The following GABRG2 variants were observed in gnomAD, a reference collection of about 807,000 sequenced individuals.
GABRG2 encodes the protein gamma-aminobutyric acid type A receptor subunit gamma2, also known as gamma-aminobutyric acid receptor subunit gamma-2.
GABRG2 carries 16 observed loss-of-function variants against 56.4 expected under a neutral mutation model. The observed-to-expected ratio is 0.28, with a 90% CI of 0.19 to 0.43. The LOEUF (loss-of-function observed/expected upper bound fraction) is 0.43, where lower values mean the gene tolerates loss of function less well. Ranked by LOEUF, GABRG2 falls within the 20% of genes least tolerant of loss-of-function variation. GABRG2 has a pLI of 1.00. For synonymous variants in GABRG2, 208 were observed against 205.5 expected, an observed-to-expected ratio of 1.01 and a Z score of -0.10; for missense variants, 327 against 582.7, an observed-to-expected ratio of 0.56 and a Z score of 4.52.
chr5:162,088,037 C>T (rs1392243509), intron 1 of GABRG2, among the ~76,000 whole-genome samples: 3 of 152,068 alleles, frequency 2.0e-5, no homozygotes, highest in Non-Finnish European at 2.9e-5. Flanking sequence ...TATACACTCA[C>T]ATGTGCACAC....
intron 6 of GABRG2, among the ~76,000 whole-genome samples, chr5:162,124,009 G>A (rs1038035581): frequency 6.6e-5 from 10 of 151,918 alleles, no homozygotes; most frequent in Non-Finnish European, 1.3e-4. Context: ...GAATCAAGGT[G>A]AGGAATAACT....
chr5:162,103,825 A>G, intron 5 of GABRG2, 64 bp from the exon 6 acceptor site: 1 of 1,565,042 alleles, frequency 6.4e-7, no homozygotes, highest in South Asian at 1.1e-5. Context: ...TGTTCATAGA[A>G]GATGGTTGCT....
chr5:162,120,595 G>A (rs537190630), intron 6 of GABRG2, among the ~76,000 whole-genome samples: 3 of 152,076 alleles, frequency 2.0e-5, no homozygotes, highest in African/African-American at 7.2e-5. Flanking sequence ...TAATAGAGAC[G>A]GCATGTGAGC....
rs149245576 is a variant in GABRG2 at position 162,068,329 on chromosome 5, T to G, written c.107+223T>G. 0.013 allele frequency among the ~76,000 whole-genome samples: 1,959 copies of G among 152,220 alleles called. 53 individuals are homozygous for G. The highest frequency in any genetic ancestry group is 0.045 in the African/African-American group (1,875 of 41,514). Reference sequence around the variant, plus strand: ...ATTGGATTTTATTTTATTTTTTGTTTGGTTTTAGAGTGGAAAAGGTAACCT... The same window carrying G: ...ATTGGATTTTATTTTATTTTTTGTTGGGTTTTAGAGTGGAAAAGGTAACCT... On this transcript the variant is annotated intron_variant, in intron 1 of 9. Coordinates refer to ENST00000639213, the MANE Select transcript of GABRG2 (RefSeq NM_198904.4).
chr5:162,144,084 G>T (rs1764778467), intron 7 of GABRG2, among the ~76,000 whole-genome samples: 1 of 152,104 alleles, frequency 6.6e-6, no homozygotes, highest in African/African-American at 2.4e-5. Flanking sequence ...AATATGTTGA[G>T]CCTATTACTT....
At chr5:162,137,090 T>C (rs1053422252) in intron 6 of GABRG2, among the ~76,000 whole-genome samples, 16 of 152,160 alleles carry the variant, frequency 1.1e-4, no homozygotes, top group Non-Finnish European at 2.4e-4. Flanking sequence ...TTATAGAAGT[T>C]TGCAACTGAT....
At chr5:162,129,086 C>T (rs537369158) in intron 6 of GABRG2, 31 of 151,936 alleles carry the variant, frequency 2.0e-4, no homozygotes, top group Non-Finnish European at 4.0e-4. Flanking sequence ...ACTGAAAACA[C>T]AGGAAGCCTT....
chr5:162,098,529 T>C (rs908540160), intron 4 of GABRG2: 4 of 152,622 alleles, frequency 2.6e-5, no homozygotes, highest in Non-Finnish European at 5.8e-5. Flanking sequence ...ATTTTTACAT[T>C]GAATTTTCTC....
At chr5:162,084,006 T>C (rs1759860962) in intron 1 of GABRG2, among the ~76,000 whole-genome samples, 1 of 151,824 alleles carries the variant, frequency 6.6e-6, no homozygotes, top group African/African-American at 2.4e-5. Flanking sequence ...CAACTGCAAA[T>C]AAATTCAATG....
intron 1 of GABRG2, among the ~76,000 whole-genome samples, chr5:162,093,597 C>T (rs1032096547): frequency 2.0e-5 from 3 of 152,098 alleles, no homozygotes; most frequent in Admixed American, 6.6e-5. Flanking sequence ...ACTGGCAAAA[C>T]ATGGTTTATT....
chr5:162,152,358 T>C, intron 9 of GABRG2: 2 of 372,274 alleles, frequency 5.4e-6, no homozygotes, highest in South Asian at 4.6e-5. Flanking sequence ...GTTTAGATTA[T>C]GCTAAAATGA....
chr5:162,080,537 G>A (rs1325660714), intron 1 of GABRG2, among the ~76,000 whole-genome samples: 2 of 152,154 alleles, frequency 1.3e-5, no homozygotes, highest in East Asian at 3.9e-4. Context: ...GAACTTGGGA[G>A]GCAGAAAGCT....
At chr5:162,130,800 G>A (rs1413466206) in intron 6 of GABRG2, among the ~76,000 whole-genome samples, 7 of 151,658 alleles carry the variant, frequency 4.6e-5, no homozygotes, top group Admixed American at 4.6e-4. Flanking sequence ...GCTAATATTT[G>A]GTATTTACCA....
intron 1 of GABRG2, among the ~76,000 whole-genome samples, chr5:162,082,821 A>C (rs1333184367): frequency 6.6e-6 from 1 of 151,670 alleles, no homozygotes; most frequent in Non-Finnish European, 1.5e-5. Flanking sequence ...AAGAAAAAAT[A>C]AGAAAAGACT....
intron 6 of GABRG2, among the ~76,000 whole-genome samples, chr5:162,116,266 CTATT>C (rs900792473): frequency 6.6e-6 from 1 of 151,740 alleles, no homozygotes; most frequent in Non-Finnish European, 1.5e-5. Flanking sequence ...TATCCTTTAT[CTATT>C]TATCTTAAGC....
chr5:162,135,803 G>A lies in GABRG2; in HGVS notation c.770-6361G>A, dbSNP rs79207572. Among the ~76,000 whole-genome samples the A allele has an allele frequency of 7.2e-3, 1,101 of 152,220 alleles. 21 individuals carry two copies. Among genetic ancestry groups the A allele is most frequent in the African/African-American group, 0.026 (1,063 of 41,534 alleles). ...CTGTGGGAAGAGGAAGCAGGGTGAG[G>A]AAGGCATGTAAAGAACTACAAGAAC... On this transcript the variant is annotated intron_variant, in intron 6 of 9. Coordinates refer to ENST00000639213, the MANE Select transcript of GABRG2 (RefSeq NM_198904.4).
intron 2 of GABRG2, among the ~76,000 whole-genome samples, chr5:162,095,068 T>G (rs1002685953): frequency 6.6e-6 from 1 of 152,274 alleles, no homozygotes; most frequent in Non-Finnish European, 1.5e-5. Flanking sequence ...GTCCACTTCA[T>G]GTTCTGAATG....
In GABRG2 at chr5:162,149,202, A is replaced by T. The variant is rs753372205; in HGVS notation, c.1017A>T (p.Val339=). The T allele has an allele frequency of 2.5e-6, 4 of 1,614,104 alleles. No homozygotes were observed. In the South Asian group the frequency reaches 4.4e-5, roughly 18 times the overall value. ...ATGTCACAGCGATGGATCTCTTTGTATCTGTTTGTTTCATCTTTGTCTTCT... is the reference window on the plus strand; with the variant it reads ...ATGTCACAGCGATGGATCTCTTTGTTTCTGTTTGTTTCATCTTTGTCTTCT... ...VSYVTAMDLF[V]SVCFIFVFSA... Residue 339 remains valine, a synonymous_variant, in exon 8 of 10, where the codon GTA becomes GTT. Coordinates refer to ENST00000639213, the MANE Select transcript of GABRG2 (RefSeq NM_198904.4).
At chr5:162,103,695 G>T in intron 5 of GABRG2, 194 bp from the exon 6 acceptor site, 4 of 616,094 alleles carry the variant, frequency 6.5e-6, no homozygotes, top group Non-Finnish European at 5.7e-6. Flanking sequence ...TTGGATTTTT[G>T]AATCTAACTT....
Sources: gnomAD v4.1 joint callset for allele counts (sites outside exome capture counted in the v4.1 genomes callset) on GRCh38, gnomAD v4.1.1 for gene constraint, MANE v1.5 for transcripts, NCBI Gene and HGNC (gene_info 2026-07-23, HGNC 2026-07-21) for gene names.